Variants in FBXO42 observed in about 807,000 individuals in gnomAD.
The protein encoded by FBXO42 is F-box protein 42, also known as F-box only protein 42.
FBXO42 carries 12 observed loss-of-function variants against 71.7 expected under a neutral mutation model. That is an observed-to-expected ratio of 0.17 (90% CI 0.11 to 0.27). The LOEUF (loss-of-function observed/expected upper bound fraction) is 0.27, where lower values mean the gene tolerates loss of function less well. Ranked by LOEUF, FBXO42 falls within the 10% of genes least tolerant of loss-of-function variation. FBXO42 has a pLI of 1.00. For missense variants in FBXO42, 707 were observed against 911.9 expected (o/e 0.78, Z 2.89); for synonymous variants, 325 against 327.5 (o/e 0.99, Z 0.08).
At chr1:16,334,045 T>C (rs992250356) in intron 1 of FBXO42, among the ~76,000 whole-genome samples, 1 of 152,204 alleles carries the variant, frequency 6.6e-6, no homozygotes, top group East Asian at 1.9e-4. Flanking sequence ...AAGTGATGAC[T>C]GTGCAGAATA....
At position 16,251,182 on chromosome 1, in the gene FBXO42, C is replaced by A; in HGVS notation, c.1642G>T (p.Ala548Ser). 3 of 1,614,132 alleles carry A rather than the reference C, an allele frequency of 1.9e-6. No homozygotes were observed. Among genetic ancestry groups the A allele is most frequent in the Non-Finnish European group, 2.5e-6 (3 of 1,180,014 alleles). The stretch of plus-strand genomic sequence containing the variant: ...AGGGCACCTGGGGAGACGGCCCCTG[C>A]AAGGGCACTGGCCACGTGAGGTGGG... ...HTPPHVASAL[A>S]GAVSPGALRR... The change falls in exon 10 of 10, where the codon GCA (alanine) becomes TCA (serine). Residue 548 changes from alanine (A) to serine (S), a missense_variant. By Grantham distance (99) the Ala-to-Ser change is moderately conservative (BLOSUM62 1). Transcript: ENST00000375592. This position sits in a 1 kb window ranked among gnomAD's most constrained non-coding sequence, Gnocchi z 4.5.
In FBXO42 at chr1:16,319,779, C is replaced by T. The variant is rs12071105; in HGVS notation, c.-17-4344G>A. Among the ~76,000 whole-genome samples, 902 of 151,830 alleles carry T rather than the reference C, an allele frequency of 5.9e-3. 7 individuals are homozygous for T. Among genetic ancestry groups the T allele is most frequent in the African/African-American group, 0.021 (866 of 41,424 alleles). On this transcript the variant is annotated intron_variant, in intron 1 of 9. Transcript: ENST00000375592. The stretch of plus-strand genomic sequence containing the variant: ...TACAAAAATTAGCCGGGCATGGTGC[C>T]GTGCACCTGTAGTCCCAGCTACTCG...
At chr1:16,330,913 G>A (rs2082493145) in intron 1 of FBXO42, among the ~76,000 whole-genome samples, 1 of 152,010 alleles carries the variant, frequency 6.6e-6, no homozygotes, top group African/African-American at 2.4e-5. Flanking sequence ...TTGCACTCCA[G>A]CCTGAGCAAC....
At chr1:16,287,755 T>C (rs2100516403) in intron 4 of FBXO42, among the ~76,000 whole-genome samples, 1 of 152,214 alleles carries the variant, frequency 6.6e-6, no homozygotes, top group Non-Finnish European at 1.5e-5. Flanking sequence ...TGGCCTGTGC[T>C]GTCATTTAAG....
chr1:16,339,467 C>G (rs1180481193), intron 1 of FBXO42, among the ~76,000 whole-genome samples: 1 of 152,030 alleles, frequency 6.6e-6, no homozygotes, highest in East Asian at 1.9e-4. Context: ...TGCGTGCCAC[C>G]ACGCCCAGCT....
Position 16,251,782 on chromosome 1 carries a change from C to T in FBXO42, c.1042G>A (p.Gly348Arg). The T allele has an allele frequency of 2.5e-6, 4 of 1,611,084 alleles. No homozygotes were observed. The South Asian group carries it at 4.4e-5, about 18-fold the overall frequency. The change falls in exon 10 of 10, where the codon GGA (glycine) becomes AGA (arginine). Residue 348 changes from glycine to arginine, a missense_variant. This residue lies in a region of FBXO42 where 482 missense variants were observed against 587.1 expected (regional missense o/e 0.82). Coordinates refer to ENST00000375592, the MANE Select transcript of FBXO42 (RefSeq NM_018994.3). The surrounding 1 kb of genome is among the most constrained non-coding windows in gnomAD (Gnocchi z 4.5). The stretch of plus-strand genomic sequence containing the variant: ...TGGCTGAAGACCACCACACACTGTC[C>T]CACCTGGAAGACAAAGGACCAGTGC... ...ELWCHPACRV[G>R]QCVVVFSQAP...
rs754517135 is a variant in FBXO42, at chr1:16,251,039, A to G, written c.1785T>C (p.Ser595=). The change falls in exon 10 of 10, where the codon AGT becomes AGC. Residue 595 remains serine (S), a synonymous_variant. Transcript: ENST00000375592. This position sits in a 1 kb window ranked among gnomAD's most constrained non-coding sequence, Gnocchi z 4.5. ...GGCGAGGGATGGGCACTGTTTCTCC[A>G]CTGCTCAAACTCTGGCTCCCAGGAG... The part of the protein sequence containing the change: ...PGSPGSQSLS[S]GETVPIPRPG... 1.2e-5 allele frequency: 20 copies of G among 1,614,024 alleles called. No homozygotes were observed. The highest frequency in any genetic ancestry group is 1.7e-5 in the Non-Finnish European group (20 of 1,180,042).
intron 4 of FBXO42, among the ~76,000 whole-genome samples, chr1:16,290,188 C>T (rs913614351): frequency 2.6e-5 from 4 of 152,168 alleles, no homozygotes; most frequent in African/African-American, 9.7e-5. Flanking sequence ...AGATGGAGCA[C>T]TTCTATCATT....
intron 1 of FBXO42, among the ~76,000 whole-genome samples, chr1:16,321,564 G>A (rs2082409257): frequency 6.6e-6 from 1 of 152,102 alleles, no homozygotes; most frequent in African/African-American, 2.4e-5. Context: ...TGAATGTACT[G>A]GAATCTGAAC....
Position 16,248,122 on chromosome 1 carries a change from C to G in FBXO42, c.*2548G>C, listed in dbSNP as rs2081553166. The G allele has an allele frequency of 6.6e-6, 1 of 152,224 alleles. No homozygotes were observed. Among genetic ancestry groups the G allele is most frequent in the African/African-American group, 2.4e-5 (1 of 41,448 alleles). 9.4% of individuals were successfully genotyped at this position (152,224 alleles called of 1,614,324 possible). On this transcript the variant is annotated 3_prime_UTR_variant, in exon 10 of 10. Coordinates refer to ENST00000375592, the MANE Select transcript of FBXO42 (RefSeq NM_018994.3). ...GTGAAAAATGGGGTCATGGTTCAAT[C>G]TGGCCTGACTGCAGCATCCACGGCA...
intron 1 of FBXO42, among the ~76,000 whole-genome samples, chr1:16,334,199 C>T (rs931547358): frequency 7.9e-5 from 12 of 152,034 alleles, no homozygotes; most frequent in Admixed American, 3.3e-4. Flanking sequence ...TTTGGGAGGC[C>T]AAGGCGGGCA....
At chr1:16,342,605 G>T (rs924062644) in intron 1 of FBXO42, among the ~76,000 whole-genome samples, 1 of 147,256 alleles carries the variant, frequency 6.8e-6, no homozygotes, top group African/African-American at 2.5e-5. Flanking sequence ...AAAAGTTATA[G>T]TAATACCATC....
At position 16,255,587 on chromosome 1, in the gene FBXO42, G is replaced by A. The variant is rs189846230; in HGVS notation, c.767+124C>T. ...TGACCTCAGGTGATCCACCCACCTT[G>A]GCCTCCCAAAATGCTGGGATTACAG... On this transcript the variant is annotated intron_variant, in intron 6 of 9. Coordinates refer to ENST00000375592, the MANE Select transcript of FBXO42 (RefSeq NM_018994.3). The A allele has an allele frequency of 1.7e-5, 12 of 715,138 alleles. No homozygotes were observed. In the East Asian group the frequency reaches 3.1e-4, roughly 18 times the overall value. The allele number at this position is 715,138 out of a possible 1,614,324, so 44.3% of individuals were successfully genotyped here.
At chr1:16,270,110 C>T (rs1251809335) in intron 4 of FBXO42, among the ~76,000 whole-genome samples, 1 of 152,154 alleles carries the variant, frequency 6.6e-6, no homozygotes, top group East Asian at 1.9e-4. Context: ...CCTGCCAAGG[C>T]CTCCCAAGGT....
At position 16,251,980 on chromosome 1, in the gene FBXO42, T is replaced by G. The variant is rs557229456; in HGVS notation, c.1039-195A>C. On this transcript the variant is annotated intron_variant, in intron 9 of 9. Transcript: ENST00000375592. The surrounding 1 kb of genome is among the most constrained non-coding windows in gnomAD (Gnocchi z 4.5). ...AACAATCGCTGCTTTGTGTGACATATGCTATCATTAGAGATATGTATACAG... is the reference window on the plus strand; with the variant it reads ...AACAATCGCTGCTTTGTGTGACATAGGCTATCATTAGAGATATGTATACAG... Among the ~76,000 whole-genome samples, 2 of 152,292 alleles carry G rather than the reference T, an allele frequency of 1.3e-5. No individual in the cohort carries two copies. The highest frequency in any genetic ancestry group is 3.9e-4 in the East Asian group (2 of 5,186).
chr1:16,334,858 T>C (rs2082537094), intron 1 of FBXO42, among the ~76,000 whole-genome samples: 1 of 152,024 alleles, frequency 6.6e-6, no homozygotes, highest in Admixed American at 6.6e-5. Flanking sequence ...AACACTGAAA[T>C]TCCTTAAAGC....
At position 16,251,781 on chromosome 1, in the gene FBXO42, C is replaced by T. The variant is rs1483238048; in HGVS notation, c.1043G>A (p.Gly348Glu). ...CTGGCTGAAGACCACCACACACTGT[C>T]CCACCTGGAAGACAAAGGACCAGTG... ...ELWCHPACRV[G>E]QCVVVFSQAP... is the part of the protein sequence containing the mutation. The change falls in exon 10 of 10, where the codon GGA becomes GAA. Residue 348 changes from glycine (G) to glutamate (E), a missense_variant. By Grantham distance (98) the Gly-to-Glu change is moderately conservative. This residue lies in a region of FBXO42 where 482 missense variants were observed against 587.1 expected (regional missense o/e 0.82). Coordinates refer to ENST00000375592, the MANE Select transcript of FBXO42 (RefSeq NM_018994.3). The surrounding 1 kb of genome is among the most constrained non-coding windows in gnomAD (Gnocchi z 4.5). The T allele has an allele frequency of 1.9e-6, 3 of 1,611,250 alleles. No homozygotes were observed. The highest frequency in any genetic ancestry group is 2.5e-6 in the Non-Finnish European group (3 of 1,178,278).
intron 4 of FBXO42, among the ~76,000 whole-genome samples, chr1:16,258,603 C>T (rs771950860): frequency 2.0e-5 from 3 of 152,118 alleles, no homozygotes; most frequent in Non-Finnish European, 4.4e-5. Context: ...GCAATCCTGC[C>T]GCCTTGGCCT....
chr1:16,347,314 G>A (rs901451566), intron 1 of FBXO42, among the ~76,000 whole-genome samples: 3 of 149,820 alleles, frequency 2.0e-5, no homozygotes, highest in Non-Finnish European at 3.0e-5. Flanking sequence ...ACAGGAGTTC[G>A]AGAGTAGCCT....
Sources: gnomAD v4.1 joint callset for allele counts (sites outside exome capture counted in the v4.1 genomes callset) on GRCh38, gnomAD v4.1.1 for gene constraint, gnomAD v4.1.1 regional missense constraint, Gnocchi (gnomAD v3.1) non-coding constraint, MANE v1.5 for transcripts, NCBI Gene and HGNC (gene_info 2026-07-23, HGNC 2026-07-21) for gene names.